The following CPM variants were observed in gnomAD, a reference collection of about 807,000 sequenced individuals.
CPM encodes carboxypeptidase M.
A neutral mutation model predicts 46.4 loss-of-function variants in CPM; 35 were observed. The ratio of observed to expected loss-of-function variants is 0.75; its 90% CI spans 0.58 to 1.00. CPM has a LOEUF of 1.00. Among genes scored for constraint, CPM ranks in the 50% least tolerant of loss-of-function variants. CPM has a pLI of 0.00. For missense variants in CPM, 422 were observed against 530.4 expected (o/e 0.80, Z 2.01); for synonymous variants, 195 against 195.3 (o/e 1.00, Z 0.01).
chr12:68,906,614 C>T (rs577112657), intron 2 of CPM, among the ~76,000 whole-genome samples: 2 of 152,196 alleles, frequency 1.3e-5, no homozygotes, highest in Admixed American at 6.5e-5. Context: ...CTCAGCCTCC[C>T]GAGTACCTGG....
intron 2 of CPM, among the ~76,000 whole-genome samples, chr12:68,890,756 C>T (rs143634128): frequency 1.9e-3 from 292 of 152,352 alleles, no homozygotes; most frequent in African/African-American, 4.5e-3. Flanking sequence ...GCCACCCCAC[C>T]GGGACATTCC....
intron 1 of CPM, among the ~76,000 whole-genome samples, chr12:68,946,626 C>A (rs1039699546): frequency 1.3e-5 from 2 of 152,196 alleles, no homozygotes; most frequent in Non-Finnish European, 2.9e-5. Context: ...TGTAGCTCAA[C>A]CTCAATTCCT....
At chr12:68,842,879 T>C (rs766274731) in intron 5 of CPM, 4 of 206,608 alleles carry the variant, frequency 1.9e-5, no homozygotes, top group African/African-American at 9.1e-5. Flanking sequence ...CTAGTTATGC[T>C]GGACTGTTTT....
At chr12:68,905,967 C>T (rs542702518) in intron 2 of CPM, among the ~76,000 whole-genome samples, 1 of 152,274 alleles carries the variant, frequency 6.6e-6, no homozygotes, top group South Asian at 2.1e-4. Flanking sequence ...GTTATCTGTG[C>T]TACAGGCATT....
At chr12:68,859,099 T>G (rs767359483) in intron 7 of CPM, 28 bp from the exon 8 acceptor site, 1 of 1,302,970 alleles carries the variant, frequency 7.7e-7, no homozygotes, top group Non-Finnish European at 1.0e-6. Flanking sequence ...AATTAAATAT[T>G]AATACCATAT....
intron 2 of CPM, among the ~76,000 whole-genome samples, chr12:68,929,222 T>C (rs1888402892): frequency 6.6e-6 from 1 of 152,206 alleles, no homozygotes. Flanking sequence ...AATACATTTG[T>C]ATTTGAAAAT....
intron 1 of CPM, among the ~76,000 whole-genome samples, chr12:68,948,871 G>T (rs1888890210): frequency 6.6e-6 from 1 of 152,140 alleles, no homozygotes. Flanking sequence ...TAAATATGAT[G>T]CTCTAACCTT....
At chr12:68,916,171 T>G (rs986983485) in intron 2 of CPM, among the ~76,000 whole-genome samples, 2 of 152,210 alleles carry the variant, frequency 1.3e-5, no homozygotes, top group African/African-American at 2.4e-5. Flanking sequence ...TATGTTTAAA[T>G]CTAGGTATCT....
At chr12:68,898,148 C>G (rs1055091922) in intron 2 of CPM, among the ~76,000 whole-genome samples, 4 of 148,960 alleles carry the variant, frequency 2.7e-5, no homozygotes, top group Admixed American at 7.7e-5. Flanking sequence ...GCCACTGTGC[C>G]TGGCCTGGTG....
intron 2 of CPM, among the ~76,000 whole-genome samples, chr12:68,895,348 A>C (rs774982017): frequency 1.3e-5 from 2 of 152,124 alleles, no homozygotes; most frequent in Non-Finnish European, 2.9e-5. Flanking sequence ...CTCTGACATA[A>C]GACAGGCAAT....
chr12:68,885,722 A>G, intron 3 of CPM, 70 bp downstream of exon 3: 1 of 1,265,424 alleles, frequency 7.9e-7, no homozygotes, highest in Non-Finnish European at 1.1e-6. Context: ...GGTAGCATTT[A>G]TACAGAGCTC....
chr12:68,872,039 A>T, intron 3 of CPM, 83 bp from the exon 4 acceptor site: 3 of 1,384,816 alleles, frequency 2.2e-6, no homozygotes, highest in Non-Finnish European at 3.0e-6. Context: ...ATTCCCCAAT[A>T]GGGGTCTCTA....
At position 68,897,058 on chromosome 12, in the gene CPM, A is replaced by G. The variant is rs189711705; in HGVS notation, c.161-11169T>C. On this transcript the variant is annotated intron_variant, in intron 2 of 8. Coordinates refer to ENST00000551568, the MANE Select transcript of CPM (RefSeq NM_198320.5). ...CATCAACAAAAAACAGGAAGACGGT[A>G]GGAAATTCCTCTGCCTTTCTCCTCT... Among the ~76,000 whole-genome samples, 58 of 152,334 alleles carry G rather than the reference A, an allele frequency of 3.8e-4. 1 individual carries two copies. The East Asian group carries it at 0.011, about 28-fold the overall frequency.
intron 3 of CPM, among the ~76,000 whole-genome samples, chr12:68,873,346 G>T (rs911574537): frequency 6.6e-6 from 1 of 152,182 alleles, no homozygotes; most frequent in African/African-American, 2.4e-5. Flanking sequence ...TTAAACATTT[G>T]TTATCCTAAT....
upstream of CPM, among the ~76,000 whole-genome samples, chr12:68,935,364 G>A (rs938073999): frequency 6.6e-6 from 1 of 152,258 alleles, no homozygotes; most frequent in East Asian, 1.9e-4. Flanking sequence ...AGGTTCAAGC[G>A]ATTCTTGTGT....
At chr12:68,883,663 A>G (rs1251206497) in intron 3 of CPM, among the ~76,000 whole-genome samples, 1 of 152,204 alleles carries the variant, frequency 6.6e-6, no homozygotes, top group Non-Finnish European at 1.5e-5. Flanking sequence ...ATTCGGGGGT[A>G]GGGGACGGAA....
chr12:68,894,035 A>T (rs1245774435), intron 2 of CPM, among the ~76,000 whole-genome samples: 2 of 152,078 alleles, frequency 1.3e-5, no homozygotes, highest in East Asian at 1.9e-4. Context: ...GTTACCAGGG[A>T]CTACCTCATG....
chr12:68,872,250 TCC>T (rs1491494953), intron 3 of CPM, among the ~76,000 whole-genome samples: 1 of 103,070 alleles, frequency 9.7e-6, no homozygotes, highest in Non-Finnish European at 1.8e-5. Context: ...TGCTGCTGCT[TCC>T]TTTTTTTTTT....
At chr12:68,861,010 A>G (rs1389481675) in intron 7 of CPM, among the ~76,000 whole-genome samples, 2 of 151,756 alleles carry the variant, frequency 1.3e-5, no homozygotes, top group Admixed American at 6.6e-5. Flanking sequence ...CCTCCCAAGT[A>G]GGTGGGACTA....
Sources: allele counts gnomAD v4.1 joint callset (sites outside exome capture counted in the v4.1 genomes callset), GRCh38; gene constraint gnomAD v4.1.1; transcripts MANE v1.5; gene names NCBI Gene and HGNC (gene_info 2026-07-23, HGNC 2026-07-21).